The following MAP2K5 variants were observed in gnomAD, a reference collection of about 807,000 sequenced individuals.
MAP2K5 encodes mitogen-activated protein kinase kinase 5, also known as dual specificity mitogen-activated protein kinase kinase 5.
In MAP2K5, 49 loss-of-function variants were observed where a neutral mutation model predicts 83.1. The observed-to-expected ratio is 0.59, with a 90% CI of 0.47 to 0.75. MAP2K5 has a LOEUF of 0.75. Ranked by LOEUF, MAP2K5 falls within the 30% of genes least tolerant of loss-of-function variation. The pLI, the probability that MAP2K5 is intolerant of heterozygous loss-of-function variation, is 0.00. For missense variants in MAP2K5, 457 were observed against 557.5 expected (o/e 0.82, Z 1.82); for synonymous variants, 202 against 191.8 (o/e 1.05, Z -0.44).
chr15:67,763,801 T>C (rs1004486296), intron 19 of MAP2K5, among the ~76,000 whole-genome samples: 1 of 152,172 alleles, frequency 6.6e-6, no homozygotes, highest in Admixed American at 6.5e-5. Flanking sequence ...CACGCTATCC[T>C]GCTGGGCATG....
chr15:67,747,550 A>G lies in MAP2K5; in HGVS notation c.1075-681A>G, dbSNP rs1174259274. On this transcript the variant is annotated intron_variant, in intron 17 of 21. Coordinates refer to ENST00000178640, the MANE Select transcript of MAP2K5 (RefSeq NM_145160.3). The surrounding 1 kb of genome is among the most constrained non-coding windows in gnomAD (Gnocchi z 4.1). ...GCAGTTTATCAGTGTTAAATGTGTG[A>G]GCAGCCTGCCTTCAGAATGTTGATC... Among the ~76,000 whole-genome samples, 1 of 152,212 alleles carries G rather than the reference A, an allele frequency of 6.6e-6. No individual in the cohort carries two copies. Among genetic ancestry groups the G allele is most frequent in the Non-Finnish European group, 1.5e-5 (1 of 68,040 alleles).
chr15:67,670,958 T>C (rs1243485338), intron 13 of MAP2K5, among the ~76,000 whole-genome samples: 1 of 152,204 alleles, frequency 6.6e-6, no homozygotes, highest in Non-Finnish European at 1.5e-5. Context: ...ACTTAACCTG[T>C]TGGACAATTT....
rs2090713733 is a variant in MAP2K5 at position 67,801,924 on chromosome 15, C to G, written c.1243-4722C>G. ...ATGGGGACCCCAAATAGGTACATTC[C>G]TATTTCAGAAGAAGCTCAAAGCCCA... On this transcript the variant is annotated intron_variant, in intron 21 of 21. Transcript: ENST00000178640. The surrounding 1 kb of genome is among the most constrained non-coding windows in gnomAD (Gnocchi z 4.8). 6.6e-6 allele frequency among the ~76,000 whole-genome samples: 1 copy of G among 152,184 alleles called. No homozygotes were observed. The highest frequency in any genetic ancestry group is 6.5e-5 in the Admixed American group (1 of 15,284).
rs897907617 is a variant in MAP2K5 at position 67,772,593 on chromosome 15, A to G, written c.1197-114A>G. 3 of 608,808 alleles carry G rather than the reference A, an allele frequency of 4.9e-6. No individual in the cohort carries two copies. In the African/African-American group the frequency reaches 5.7e-5, roughly 12 times the overall value. 37.7% of individuals were successfully genotyped at this position (608,808 alleles called of 1,614,324 possible). A position where few individuals can be genotyped will look rare whatever the true frequency, so the allele number is the denominator to read the frequency against. On this transcript the variant is annotated intron_variant, in intron 20 of 21. Coordinates refer to ENST00000178640, the MANE Select transcript of MAP2K5 (RefSeq NM_145160.3). The stretch of plus-strand genomic sequence containing the variant: ...CTAATACTTTGGCCAAGAATTGAAC[A>G]TGATGTATTTTGAAAACATTCAAAT...
At chr15:67,737,068 G>A (rs1184575861) in intron 17 of MAP2K5, among the ~76,000 whole-genome samples, 1 of 152,204 alleles carries the variant, frequency 6.6e-6, no homozygotes, top group Non-Finnish European at 1.5e-5. Context: ...GGATGGTGGG[G>A]GAGAAAGTGA....
At chr15:67,588,658 T>G (rs1394604975) in intron 6 of MAP2K5, among the ~76,000 whole-genome samples, 2 of 152,210 alleles carry the variant, frequency 1.3e-5, no homozygotes, top group Non-Finnish European at 2.9e-5. Flanking sequence ...CTTTTACATC[T>G]TACCTCTGGA....
At chr15:67,575,920 T>TTTCTTTCTTTCTTTCTTTCTTTCTTTC (rs1567283588) in intron 3 of MAP2K5, among the ~76,000 whole-genome samples, 3 of 126,214 alleles carry the variant, frequency 2.4e-5, no homozygotes, top group Non-Finnish European at 5.1e-5. Flanking sequence ...TTCTTTCTTT[T>TTTCTTTCTTTCTTTCTTTCTTTCTTTC]TTTTTTTTTT....
At chr15:67,560,206 C>G (rs1054539816) in intron 2 of MAP2K5, among the ~76,000 whole-genome samples, 2 of 152,158 alleles carry the variant, frequency 1.3e-5, no homozygotes, top group African/African-American at 4.8e-5. Context: ...TGCATTTTTG[C>G]TTTACAGGTT....
At position 67,724,403 on chromosome 15, in the gene MAP2K5, A is replaced by T. The variant is rs531629358; in HGVS notation, c.1045-3513A>T. On this transcript the variant is annotated intron_variant, in intron 16 of 21. Transcript: ENST00000178640. This position sits in a 1 kb window ranked among gnomAD's most constrained non-coding sequence, Gnocchi z 4.4. ...CTCGTTCTTTTTTATTTATTTATTT[A>T]TTTATTTTTTGAGTTAGGGTCTCAC... Among the ~76,000 whole-genome samples, 6 of 151,654 alleles carry T rather than the reference A, an allele frequency of 4.0e-5. No individual in the cohort carries two copies. The East Asian group carries it at 9.7e-4, about 24-fold the overall frequency.
intron 3 of MAP2K5, among the ~76,000 whole-genome samples, chr15:67,571,260 C>A (rs1024123124): frequency 6.6e-6 from 1 of 152,170 alleles, no homozygotes; most frequent in Non-Finnish European, 1.5e-5. Context: ...CTTCAAGGAT[C>A]TCCTAAAGCC....
Position 67,543,524 on chromosome 15 carries a change from G to C in MAP2K5, c.135+54G>C. On this transcript the variant is annotated intron_variant, in intron 1 of 21. Coordinates refer to ENST00000178640, the MANE Select transcript of MAP2K5 (RefSeq NM_145160.3). This position sits in a 1 kb window ranked among gnomAD's most constrained non-coding sequence, Gnocchi z 4.3. Reference sequence around the variant, plus strand: ...CAGCAAGGGGGACTCAGGGACTTGAGTAGTCAGCACCTTGACCACTGGTGA... The same window carrying C: ...CAGCAAGGGGGACTCAGGGACTTGACTAGTCAGCACCTTGACCACTGGTGA... 6.2e-7 allele frequency: 1 copy of C among 1,608,514 alleles called. No individual in the cohort carries two copies. The highest frequency in any genetic ancestry group is 1.1e-5 in the South Asian group (1 of 90,716).
intron 2 of MAP2K5, among the ~76,000 whole-genome samples, chr15:67,556,247 G>T (rs551083665): frequency 1.8e-4 from 27 of 152,214 alleles, no homozygotes; most frequent in African/African-American, 6.3e-4. Flanking sequence ...GCTCTTTTCG[G>T]TTTGTTCTGG....
At chr15:67,732,191 T>C (rs905956208) in intron 17 of MAP2K5, among the ~76,000 whole-genome samples, 1 of 152,230 alleles carries the variant, frequency 6.6e-6, no homozygotes, top group Non-Finnish European at 1.5e-5. Context: ...TGGAGCTGCC[T>C]ATAGTTAATC....
rs1011386196 is a variant in MAP2K5 at position 67,637,431 on chromosome 15, T to C, written c.585+6504T>C. 6.6e-6 allele frequency among the ~76,000 whole-genome samples: 1 copy of C among 152,164 alleles called. No homozygotes were observed. Among genetic ancestry groups the C allele is most frequent in the Non-Finnish European group, 1.5e-5 (1 of 68,028 alleles). On this transcript the variant is annotated intron_variant, in intron 9 of 21. Coordinates refer to ENST00000178640, the MANE Select transcript of MAP2K5 (RefSeq NM_145160.3). This position sits in a 1 kb window ranked among gnomAD's most constrained non-coding sequence, Gnocchi z 4.5. The stretch of plus-strand genomic sequence containing the variant: ...ACTAATTTTCCCCGTGCAGCAGAGG[T>C]AGTACTCTTCTGAGTACTCTACCTG...
chr15:67,544,680 G>T (rs1444656005), intron 1 of MAP2K5, among the ~76,000 whole-genome samples: 1 of 152,192 alleles, frequency 6.6e-6, no homozygotes, highest in African/African-American at 2.4e-5. Context: ...CGGACATTCC[G>T]AAAAGCACAT....
chr15:67,575,719 T>C (rs2085041403), intron 3 of MAP2K5, among the ~76,000 whole-genome samples: 1 of 152,154 alleles, frequency 6.6e-6, no homozygotes, highest in Admixed American at 6.5e-5. Flanking sequence ...AACCATTTGC[T>C]TCATCTGTTA....
chr15:67,611,573 T>C (rs1324860919), intron 8 of MAP2K5, among the ~76,000 whole-genome samples: 2 of 152,108 alleles, frequency 1.3e-5, no homozygotes, highest in Non-Finnish European at 2.9e-5. Flanking sequence ...AATCACAAGC[T>C]TCATGTTATG....
intron 5 of MAP2K5, among the ~76,000 whole-genome samples, 197 bp downstream of exon 5, chr15:67,586,127 G>GGT (rs957277254): frequency 2.6e-5 from 4 of 152,026 alleles, no homozygotes; most frequent in African/African-American, 9.7e-5. Context: ...CTGGGGGTTT[G>GGT]GTACTGTATT....
chr15:67,546,594 A>AT (rs1189778156), intron 1 of MAP2K5: 2 of 985,504 alleles, frequency 2.0e-6, no homozygotes, highest in East Asian at 1.1e-4. Context: ...AGGTAGAGAC[A>AT]TTTGGGTCTT....
Sources: gnomAD v4.1 joint callset for allele counts (sites outside exome capture counted in the v4.1 genomes callset) on GRCh38, gnomAD v4.1.1 for gene constraint, Gnocchi (gnomAD v3.1) non-coding constraint, MANE v1.5 for transcripts, NCBI Gene and HGNC (gene_info 2026-07-23, HGNC 2026-07-21) for gene names.